Variants in CNNM2 observed in about 807,000 individuals in gnomAD.
CNNM2 encodes cyclin and CBS domain divalent metal cation transport mediator 2.
CNNM2 carries 12 observed loss-of-function variants against 66.9 expected under a neutral mutation model. That is an observed-to-expected ratio of 0.18 (90% confidence interval 0.11 to 0.29). CNNM2 has a LOEUF of 0.29. Among genes scored for constraint, CNNM2 ranks in the 10% least tolerant of loss-of-function variants. CNNM2 has a pLI of 1.00. For missense variants in CNNM2, 705 were observed against 1,167.7 expected, an observed-to-expected ratio of 0.60 and a Z score of 5.77; for synonymous variants, 557 against 501.8, an observed-to-expected ratio of 1.11 and a Z score of -1.47.
rs1049722331 is a variant in CNNM2, at chr10:103,080,215, C to T, written c.*3035C>T. 1.3e-5 allele frequency: 2 copies of T among 152,258 alleles called. No homozygotes were observed. Among genetic ancestry groups the T allele is most frequent in the African/African-American group, 4.8e-5 (2 of 41,438 alleles). The allele number at this position is 152,258 out of a possible 1,614,324, so 9.4% of individuals were successfully genotyped here. On this transcript the variant is annotated 3_prime_UTR_variant, in exon 8 of 8. Transcript: ENST00000369878. Reference sequence around the variant, plus strand: ...CTTTACGGGGCCTCTCTGGGTGGGACAGAGCCTCACCTGCTCCTGAGCAGC... The same window carrying T: ...CTTTACGGGGCCTCTCTGGGTGGGATAGAGCCTCACCTGCTCCTGAGCAGC...
At chr10:102,929,320 C>G (rs1845986638) in intron 1 of CNNM2, among the ~76,000 whole-genome samples, 1 of 151,906 alleles carries the variant, frequency 6.6e-6, no homozygotes, top group South Asian at 2.1e-4. Context: ...AATCCCAGCA[C>G]TTTAGGAAGC....
In CNNM2 at chr10:103,086,812, C is replaced by T. The variant is rs2065818718; in HGVS notation, c.*9632C>T. 6.6e-6 allele frequency: 1 copy of T among 152,110 alleles called. No homozygotes were observed. The highest frequency in any genetic ancestry group is 6.5e-5 in the Admixed American group (1 of 15,274). 9.4% of individuals were successfully genotyped at this position (152,110 alleles called of 1,614,324 possible). The stretch of plus-strand genomic sequence containing the variant: ...GAAAAATCTTAGGTCTAAATAGAAC[C>T]CTAAACTTTCTTGGCTGTGACCAAC... On this transcript the variant is annotated 3_prime_UTR_variant, in exon 8 of 8. Transcript: ENST00000369878.
chr10:103,032,155 T>C (rs1032200230), intron 1 of CNNM2, among the ~76,000 whole-genome samples: 10 of 152,060 alleles, frequency 6.6e-5, no homozygotes, highest in African/African-American at 9.7e-5. Flanking sequence ...TTGTTAGAAA[T>C]ATATACATTA....
chr10:103,083,153 G>T lies in CNNM2; in HGVS notation c.*5973G>T, dbSNP rs1211239302. On this transcript the variant is annotated 3_prime_UTR_variant, in exon 8 of 8. Transcript: ENST00000369878. ...CATAGTGTACAGGTCATGCATTTGAGCAGTGAAGTTTTCTGAACACAGTAT... is the reference window on the plus strand; with the variant it reads ...CATAGTGTACAGGTCATGCATTTGATCAGTGAAGTTTTCTGAACACAGTAT... 2 of 152,164 alleles carry T rather than the reference G, an allele frequency of 1.3e-5. No individual in the cohort carries two copies. The highest frequency in any genetic ancestry group is 4.8e-5 in the African/African-American group (2 of 41,426). 9.4% of individuals were successfully genotyped at this position (152,164 alleles called of 1,614,324 possible).
intron 1 of CNNM2, among the ~76,000 whole-genome samples, chr10:103,007,988 G>A (rs1315509558): frequency 1.3e-5 from 2 of 152,066 alleles, no homozygotes; most frequent in Non-Finnish European, 1.5e-5. Context: ...CTCCGTTCGG[G>A]GTCCCTGACT....
intron 1 of CNNM2, among the ~76,000 whole-genome samples, chr10:103,006,311 A>G (rs931285775): frequency 2.0e-5 from 3 of 150,808 alleles, no homozygotes; most frequent in Admixed American, 6.6e-5. Flanking sequence ...GGTTCAAGCA[A>G]TTCTCCTGCT....
intron 1 of CNNM2, 93 bp from the exon 2 acceptor site, chr10:103,049,614 T>C (rs1590460657): frequency 8.7e-7 from 1 of 1,156,028 alleles, no homozygotes; most frequent in East Asian, 2.4e-5. Flanking sequence ...TAATTCGACA[T>C]CTGTGTTTGC....
intron 1 of CNNM2, among the ~76,000 whole-genome samples, chr10:102,948,902 G>C (rs541291493): frequency 6.6e-6 from 1 of 152,124 alleles, no homozygotes; most frequent in Admixed American, 6.5e-5. Context: ...GCAAAATATA[G>C]ATATTATCTT....
chr10:102,994,088 C>T (rs2063944603), intron 1 of CNNM2, among the ~76,000 whole-genome samples: 1 of 152,080 alleles, frequency 6.6e-6, no homozygotes, highest in Non-Finnish European at 1.5e-5. Flanking sequence ...AGGCACATGC[C>T]ACCACGCCGA....
chr10:102,985,901 C>CAT (rs1174833630), intron 1 of CNNM2, among the ~76,000 whole-genome samples: 1 of 152,128 alleles, frequency 6.6e-6, no homozygotes, highest in Non-Finnish European at 1.5e-5. Flanking sequence ...GAGTATTATC[C>CAT]ATCAGCTTGG....
intron 1 of CNNM2, among the ~76,000 whole-genome samples, chr10:103,008,702 C>T (rs576665710): frequency 2.4e-4 from 33 of 138,672 alleles, no homozygotes; most frequent in South Asian, 9.5e-4. Context: ...TCATTTGAAC[C>T]GGGGAGGCGG....
At chr10:102,948,451 C>G (rs187044165) in intron 1 of CNNM2, among the ~76,000 whole-genome samples, 2 of 152,086 alleles carry the variant, frequency 1.3e-5, no homozygotes, top group Non-Finnish European at 2.9e-5. Flanking sequence ...ATTGTACACT[C>G]AAGGAGCTGA....
chr10:102,922,389 T>A (rs1208437598), intron 1 of CNNM2, among the ~76,000 whole-genome samples: 1 of 152,236 alleles, frequency 6.6e-6, no homozygotes, highest in Non-Finnish European at 1.5e-5. Flanking sequence ...TGGTTCTTTT[T>A]TTTATGTCTG....
chr10:102,941,488 G>A lies in CNNM2; in HGVS notation c.1621+21387G>A, dbSNP rs370800111. Among the ~76,000 whole-genome samples, 102 of 152,244 alleles carry A rather than the reference G, an allele frequency of 6.7e-4. 4 individuals are homozygous for A. The highest frequency in any genetic ancestry group is 3.4e-4 in the African/African-American group (14 of 41,556). On this transcript the variant is annotated intron_variant, in intron 1 of 7. Transcript: ENST00000369878. ...AACTGGCAAGGTCCCATGGGATATG[G>A]CCCCTTCTTTGGCTGCATCTCCTAC...
chr10:102,987,801 C>G (rs1046120672), intron 1 of CNNM2, among the ~76,000 whole-genome samples: 1 of 152,104 alleles, frequency 6.6e-6, no homozygotes, highest in African/African-American at 2.4e-5. Context: ...ATTGTCACCC[C>G]CAACAGTTGT....
chr10:102,994,927 G>A (rs2063961712), intron 1 of CNNM2, among the ~76,000 whole-genome samples: 1 of 152,196 alleles, frequency 6.6e-6, no homozygotes. Flanking sequence ...AGCCTTCATG[G>A]TACAGAGCAG....
chr10:103,028,802 CTT>C (rs1564851807), intron 1 of CNNM2, among the ~76,000 whole-genome samples: 1 of 138,590 alleles, frequency 7.2e-6, no homozygotes, highest in Non-Finnish European at 1.5e-5. Flanking sequence ...TCTTTCTTTT[CTT>C]TTTCTTTTTC....
chr10:103,013,030 T>C (rs1161107175), intron 1 of CNNM2, among the ~76,000 whole-genome samples: 1 of 152,172 alleles, frequency 6.6e-6, no homozygotes, highest in African/African-American at 2.4e-5. Flanking sequence ...CAAAAGACCT[T>C]CATAAAATTG....
chr10:102,980,106 G>A (rs2063696328), intron 1 of CNNM2, among the ~76,000 whole-genome samples: 1 of 151,984 alleles, frequency 6.6e-6, no homozygotes, highest in South Asian at 2.1e-4. Context: ...GTAGAGACAA[G>A]TGTTTCGCCA....
Sources: gnomAD v4.1 joint callset for allele counts (sites outside exome capture counted in the v4.1 genomes callset) on GRCh38, gnomAD v4.1.1 for gene constraint, MANE v1.5 for transcripts, NCBI Gene and HGNC (gene_info 2026-07-23, HGNC 2026-07-21) for gene names.